TMPRSS11B: variants seen among roughly 807,000 people sequenced by gnomAD.
TMPRSS11B encodes the protein transmembrane protease serine 11B.
A neutral mutation model predicts 44.7 loss-of-function variants in TMPRSS11B; 53 were observed. That is an observed-to-expected ratio of 1.19 (90% CI 0.95 to 1.49). TMPRSS11B has a LOEUF of 1.49. TMPRSS11B is among the 40% of genes most tolerant of loss of function. The probability of loss-of-function intolerance (pLI) is 0.00; values close to 1 mark genes in which losing one functional copy is unlikely to be tolerated. For missense variants in TMPRSS11B, 526 were observed against 494.8 expected, an observed-to-expected ratio of 1.06 and a Z score of -0.60; for synonymous variants, 140 against 159.2, an observed-to-expected ratio of 0.88 and a Z score of 0.91.
intron 1 of TMPRSS11B, among the ~76,000 whole-genome samples, chr4:68,242,891 A>T (rs942539619): frequency 6.6e-6 from 1 of 152,204 alleles, no homozygotes; most frequent in Non-Finnish European, 1.5e-5. Flanking sequence ...TTTCTACAAC[A>T]AATGTAAATT....
chr4:68,237,200 T>C (rs1026926081), intron 2 of TMPRSS11B, among the ~76,000 whole-genome samples: 1 of 152,140 alleles, frequency 6.6e-6, no homozygotes, highest in South Asian at 2.1e-4. Context: ...TTTGGTTTTC[T>C]GTTCCTGTGT....
At position 68,231,381 on chromosome 4, in the gene TMPRSS11B, C is replaced by A; in HGVS notation, c.509-1G>T. 2 of 1,608,826 alleles carry A rather than the reference C, an allele frequency of 1.2e-6. No homozygotes were observed. The highest frequency in any genetic ancestry group is 1.7e-6 in the Non-Finnish European group (2 of 1,177,730). ...CTGTTGGCTACTTGTCTCCCACAAC[C>A]TAGAGAAAGGATTTATTTACACGAG... On this transcript the variant is annotated splice_acceptor_variant, in intron 6 of 9. Transcript: ENST00000332644. LOFTEE classifies it high-confidence loss of function.
intron 2 of TMPRSS11B, 147 bp from the exon 3 acceptor site, chr4:68,236,413 C>T (rs1248333493): frequency 6.8e-6 from 4 of 586,930 alleles, no homozygotes; most frequent in Non-Finnish European, 1.2e-5. Context: ...TCTGCCTTAA[C>T]ATTTATACCT....
At position 68,239,855 on chromosome 4, in the gene TMPRSS11B, A is replaced by G. The variant is rs371423990; in HGVS notation, c.124+1834T>C. 1.1e-4 allele frequency among the ~76,000 whole-genome samples: 17 copies of G among 152,304 alleles called. No individual in the cohort carries two copies. The South Asian group carries it at 1.7e-3, about 15-fold the overall frequency. ...CCTAGAGAATGAACACTACTTCAAA[A>G]GAGCTCGACAGGTGATTCTGAGAAG... On this transcript the variant is annotated intron_variant, in intron 2 of 9. Coordinates refer to ENST00000332644, the MANE Select transcript of TMPRSS11B (RefSeq NM_182502.3).
intron 6 of TMPRSS11B, chr4:68,231,704 C>T (rs1719520650): frequency 9.2e-6 from 2 of 217,160 alleles, no homozygotes; most frequent in Non-Finnish European, 1.8e-5. Context: ...ATAGTATATG[C>T]ACTGCTGTCT....
intron 5 of TMPRSS11B, among the ~76,000 whole-genome samples, chr4:68,233,033 T>C (rs996091392): frequency 6.6e-6 from 1 of 152,128 alleles, no homozygotes; most frequent in Non-Finnish European, 1.5e-5. Flanking sequence ...TAAGAATGAA[T>C]CATGAAATTT....
rs1396564138 is a variant in TMPRSS11B at position 68,245,594 on chromosome 4, G to A, written c.-36C>T. 8 of 1,610,424 alleles carry A rather than the reference G, an allele frequency of 5.0e-6. No homozygotes were observed. The highest frequency in any genetic ancestry group is 2.2e-5 in the South Asian group (2 of 90,824). ...TTGTTATGGCAGTATCAGGTATAAC[G>A]GTGGTAATGATGATGACGAAGATAA... On this transcript the variant is annotated 5_prime_UTR_variant, in exon 1 of 10. Coordinates refer to ENST00000332644, the MANE Select transcript of TMPRSS11B (RefSeq NM_182502.3).
At chr4:68,231,129 A>T in intron 7 of TMPRSS11B, 74 bp downstream of exon 7, 1 of 1,315,420 alleles carries the variant, frequency 7.6e-7, no homozygotes, top group Non-Finnish European at 1.0e-6. Flanking sequence ...TTGACACATT[A>T]AGTTAACCCC....
intron 2 of TMPRSS11B, among the ~76,000 whole-genome samples, chr4:68,236,889 G>A (rs758807337): frequency 6.0e-5 from 9 of 150,966 alleles, no homozygotes; most frequent in Non-Finnish European, 8.8e-5. Context: ...ATTCCTTGAT[G>A]TTATTCCTGG....
chr4:68,227,458 G>C lies in TMPRSS11B; in HGVS notation c.*453C>G, dbSNP rs1176209344. 1 of 146,630 alleles carries C rather than the reference G, an allele frequency of 6.8e-6. No individual in the cohort carries two copies. Among genetic ancestry groups the C allele is most frequent in the Non-Finnish European group, 1.5e-5 (1 of 67,894 alleles). The allele number at this position is 146,630 out of a possible 1,614,324, so 9.1% of individuals were successfully genotyped here. ...GTCTCACTCTGTTGCCCAGGCTGGA[G>C]TGCAGTGGTGGCGCAATCACAAATC... On this transcript the variant is annotated 3_prime_UTR_variant, in exon 10 of 10. Transcript: ENST00000332644.
intron 2 of TMPRSS11B, among the ~76,000 whole-genome samples, chr4:68,240,533 G>A (rs1719795725): frequency 6.6e-6 from 1 of 152,122 alleles, no homozygotes; most frequent in Admixed American, 6.6e-5. Flanking sequence ...GCTTCCCCAG[G>A]AAAGGGGACC....
At chr4:68,234,410 A>C in intron 5 of TMPRSS11B, 53 bp downstream of exon 5, 1 of 1,545,266 alleles carries the variant, frequency 6.5e-7, no homozygotes, top group Non-Finnish European at 8.7e-7. Flanking sequence ...TTTTTAAAAA[A>C]ATAATCCAGA....
At chr4:68,241,666 A>G in intron 2 of TMPRSS11B, 23 bp downstream of exon 2, 1 of 1,414,034 alleles carries the variant, frequency 7.1e-7, no homozygotes, top group South Asian at 1.2e-5. Context: ...CAAGGATGAA[A>G]ACTGAAAATA....
intron 1 of TMPRSS11B, among the ~76,000 whole-genome samples, chr4:68,242,657 C>T (rs566419387): frequency 1.5e-4 from 23 of 151,014 alleles, no homozygotes; most frequent in African/African-American, 5.6e-4. Context: ...GTAACCTCTG[C>T]CCCACTGGGC....
At chr4:68,239,159 G>A (rs1186755070) in intron 2 of TMPRSS11B, among the ~76,000 whole-genome samples, 1 of 152,176 alleles carries the variant, frequency 6.6e-6, no homozygotes, top group Non-Finnish European at 1.5e-5. Flanking sequence ...ATCTTTAAGG[G>A]AGAATTATGG....
intron 1 of TMPRSS11B, 72 bp from the exon 2 acceptor site, chr4:68,241,876 A>G (rs1391436420): frequency 1.2e-6 from 1 of 859,424 alleles, no homozygotes; most frequent in South Asian, 1.4e-5. Flanking sequence ...CCTTCAACTC[A>G]TAGTACATGA....
At position 68,234,610 on chromosome 4, in the gene TMPRSS11B, C is replaced by G. The variant is rs1719611479; in HGVS notation, c.322G>C (p.Gly108Arg). The G allele has an allele frequency of 6.2e-7, 1 of 1,613,696 alleles. No homozygotes were observed. Among genetic ancestry groups the G allele is most frequent in the South Asian group, 1.1e-5 (1 of 91,052 alleles). Residue 108 changes from glycine (G) to arginine (R), a missense_variant, in exon 5 of 10, where the codon GGT becomes CGT. By Grantham distance (125) the Gly-to-Arg change is moderately radical (BLOSUM62 -2). Transcript: ENST00000332644. ...TTCAGCTGTAACTGCACATTTGAAC[C>G]ATTGGCATTAGGCCTAGAAACAACA... The part of the protein sequence containing the change: ...EVIKLLPNAN[G>R]SNVQLQLKFK...
In TMPRSS11B at chr4:68,226,694, A is replaced by C. The variant is rs1719361803; in HGVS notation, c.*1217T>G. 6.6e-6 allele frequency: 1 copy of C among 152,202 alleles called. No homozygotes were observed. The highest frequency in any genetic ancestry group is 1.5e-5 in the Non-Finnish European group (1 of 68,038). The allele number at this position is 152,202 out of a possible 1,614,324, so 9.4% of individuals were successfully genotyped here. ...TTTTTAGTTTATTTTAATGCCTTTAAGTTTTTGGTGACTTTTACATTTGGA... is the reference window on the plus strand; with the variant it reads ...TTTTTAGTTTATTTTAATGCCTTTACGTTTTTGGTGACTTTTACATTTGGA... On this transcript the variant is annotated 3_prime_UTR_variant, in exon 10 of 10. Coordinates refer to ENST00000332644, the MANE Select transcript of TMPRSS11B (RefSeq NM_182502.3).
At position 68,231,207 on chromosome 4, in the gene TMPRSS11B, CA is replaced by C. The variant is rs1488372900; in HGVS notation, c.681del (p.Phe227LeufsTer17). 3 of 1,602,234 alleles carry C rather than the reference CA, an allele frequency of 1.9e-6. No homozygotes were observed. Among genetic ancestry groups the C allele is most frequent in the Non-Finnish European group, 2.6e-6 (3 of 1,175,960 alleles). ...TAGTCAAATTTTCAAACTTACTTAG[CA>C]AAGCAGTGAGCTGCAGATAATAGCC... The part of the protein sequence containing the change: ...SRWLLSAAHC[F>X]AKKNNSKDWT... On this transcript the variant is annotated frameshift_variant, in exon 7 of 10. Transcript: ENST00000332644. LOFTEE classifies it high-confidence loss of function.
Sources: gnomAD v4.1 joint callset for allele counts (sites outside exome capture counted in the v4.1 genomes callset) on GRCh38, gnomAD v4.1.1 for gene constraint, MANE v1.5 for transcripts, NCBI Gene and HGNC (gene_info 2026-07-23, HGNC 2026-07-21) for gene names.